The following DMD variants were observed in gnomAD, a reference collection of about 807,000 sequenced individuals.
The protein encoded by DMD is dystrophin.
A neutral mutation model predicts 330.1 loss-of-function variants in DMD; 63 were observed. The observed-to-expected ratio is 0.19, with a 90% CI of 0.16 to 0.24. DMD has a LOEUF of 0.24. Ranked by LOEUF, DMD falls within the 10% of genes least tolerant of loss-of-function variation. The pLI is 1.00. For missense variants in DMD, 3,344 were observed against 2,684.1 expected, an observed-to-expected ratio of 1.25 and a Z score of -5.43; for synonymous variants, 1,223 against 959.8, an observed-to-expected ratio of 1.27 and a Z score of -5.07.
rs2094696541 is a variant in DMD, at chrX:31,922,021, T to G, written c.6912+7575A>C. ...CTTGTTACAGTTTTTTGTTATAATGTTGGTTGCGTTGGGTCTCAGGGGCAG... is the reference window on the plus strand; with the variant it reads ...CTTGTTACAGTTTTTTGTTATAATGGTGGTTGCGTTGGGTCTCAGGGGCAG... On this transcript the variant is annotated intron_variant, in intron 47 of 78. Transcript: ENST00000357033. Among the ~76,000 whole-genome samples the G allele has an allele frequency of 8.1e-5, 9 of 111,752 alleles. No homozygotes were observed. In the South Asian group the frequency reaches 3.4e-3, roughly 42 times the overall value.
chrX:31,965,650 G>C (rs757271690), intron 45 of DMD, among the ~76,000 whole-genome samples: 1 of 111,804 alleles, frequency 8.9e-6, no homozygotes, highest in Admixed American at 9.5e-5. Context: ...ACACAGGCTT[G>C]CTTTGTATCA....
intron 44 of DMD, among the ~76,000 whole-genome samples, chrX:32,055,683 T>C (rs899619580): frequency 3.6e-5 from 4 of 111,824 alleles, no homozygotes; most frequent in African/African-American, 1.3e-4. Flanking sequence ...AAGTAAACAA[T>C]GTAAAATAGT....
chrX:31,685,738 G>C (rs1041182811), intron 52 of DMD, among the ~76,000 whole-genome samples: 2 of 112,087 alleles, frequency 1.8e-5, no homozygotes, highest in Middle Eastern at 8.4e-3. Flanking sequence ...AGCTTGCTAG[G>C]TGCGCTGGCC....
intron 45 of DMD, among the ~76,000 whole-genome samples, chrX:31,946,245 A>G (rs1255832723): frequency 9.0e-6 from 1 of 111,705 alleles, no homozygotes; most frequent in African/African-American, 3.3e-5. Flanking sequence ...TATCAGCCGG[A>G]ATACAGATGG....
chrX:33,202,685 A>T (rs902106160), intron 1 of DMD, among the ~76,000 whole-genome samples: 60 of 111,955 alleles, frequency 5.4e-4, no homozygotes, highest in African/African-American at 1.9e-3. Context: ...TCTTATGCCT[A>T]TTTATAAAAA....
intron 7 of DMD, among the ~76,000 whole-genome samples, chrX:32,798,930 T>C (rs1193391919): frequency 1.8e-5 from 2 of 111,826 alleles, no homozygotes; most frequent in Non-Finnish European, 3.8e-5. Context: ...CTTGCCATTA[T>C]GGTATCAAAA....
chrX:32,627,501 T>C (rs1379184370), intron 11 of DMD, among the ~76,000 whole-genome samples: 1 of 96,497 alleles, frequency 1.0e-5, no homozygotes, highest in Admixed American at 1.0e-4. Context: ...GGTATTATTG[T>C]AATTAATCCT....
intron 55 of DMD, among the ~76,000 whole-genome samples, chrX:31,598,195 T>C (rs1436085935): frequency 9.0e-6 from 1 of 110,810 alleles, no homozygotes; most frequent in African/African-American, 3.3e-5. Flanking sequence ...CCTGCAGCCT[T>C]GCAGCCTTGA....
chrX:31,595,242 C>A (rs1244598108), intron 55 of DMD, among the ~76,000 whole-genome samples: 1 of 111,339 alleles, frequency 9.0e-6, no homozygotes, highest in African/African-American at 3.3e-5. Flanking sequence ...CTTCAATATG[C>A]TTCCATTTTC....
intron 44 of DMD, among the ~76,000 whole-genome samples, chrX:32,086,146 T>A (rs2096437429): frequency 8.9e-6 from 1 of 111,816 alleles, no homozygotes; most frequent in African/African-American, 3.2e-5. Flanking sequence ...CTGTCACAGA[T>A]CAGATCGGTG....
chrX:32,251,649 A>T (rs189777762), intron 43 of DMD, among the ~76,000 whole-genome samples: 1 of 111,607 alleles, frequency 9.0e-6, no homozygotes, highest in East Asian at 2.8e-4. Context: ...TCCCTAAAGT[A>T]CATTGTTTTC....
intron 47 of DMD, among the ~76,000 whole-genome samples, chrX:31,876,359 A>G (rs2093967169): frequency 8.9e-6 from 1 of 112,152 alleles, no homozygotes; most frequent in Admixed American, 9.4e-5. Flanking sequence ...CTTGCCTAAC[A>G]TTTTAGCCAA....
At chrX:31,269,268 G>A (rs988034834) in intron 62 of DMD, among the ~76,000 whole-genome samples, 8 of 111,907 alleles carry the variant, frequency 7.1e-5, no homozygotes, top group Non-Finnish European at 1.3e-4. Context: ...CGTGTCATAT[G>A]TAAATTATGT....
chrX:31,911,979 A>G (rs2094553563), intron 47 of DMD, among the ~76,000 whole-genome samples: 1 of 111,628 alleles, frequency 9.0e-6, no homozygotes, highest in South Asian at 3.8e-4. Flanking sequence ...CTCTTATTCT[A>G]CGCCAACAAC....
At position 32,887,229 on chromosome X, in the gene DMD, C is replaced by A. The variant is rs924708576; in HGVS notation, c.94-37409G>T. Among the ~76,000 whole-genome samples, 3 of 109,402 alleles carry A rather than the reference C, an allele frequency of 2.7e-5. No individual in the cohort carries two copies. The South Asian group carries it at 1.2e-3, about 44-fold the overall frequency. On this transcript the variant is annotated intron_variant, in intron 2 of 78. Transcript: ENST00000357033. ...GGGCGTGCTGACAGGAGCCTGTAGT[C>A]CCAGCTACTTGGGAGGCTGAGGCAG...
At chrX:33,043,987 C>T (rs772184009) in intron 1 of DMD, among the ~76,000 whole-genome samples, 1 of 111,386 alleles carries the variant, frequency 9.0e-6, no homozygotes, top group South Asian at 3.8e-4. Flanking sequence ...TCACCTACCC[C>T]AGTTAATCTA....
intron 1 of DMD, among the ~76,000 whole-genome samples, chrX:33,157,738 C>T (rs1382261765): frequency 8.9e-6 from 1 of 112,242 alleles, no homozygotes; most frequent in Non-Finnish European, 1.9e-5. Flanking sequence ...GGTGGATCAC[C>T]TGAGGTCAGG....
At chrX:31,721,589 ATC>A (rs59628263) in intron 52 of DMD, among the ~76,000 whole-genome samples, 107 of 90,752 alleles carry the variant, frequency 1.2e-3, no homozygotes, top group East Asian at 2.8e-3. Flanking sequence ...CTTAAAATCA[ATC>A]TCTCTCTCTC....
chrX:32,996,409 A>T (rs1018700326), intron 2 of DMD, among the ~76,000 whole-genome samples: 1 of 111,991 alleles, frequency 8.9e-6, no homozygotes, highest in African/African-American at 3.2e-5. Flanking sequence ...TTGTTTTCTG[A>T]GGCATCAAAT....
Sources: allele counts gnomAD v4.1 joint callset (sites outside exome capture counted in the v4.1 genomes callset), GRCh38; gene constraint gnomAD v4.1.1; transcripts MANE v1.5; gene names NCBI Gene and HGNC (gene_info 2026-07-23, HGNC 2026-07-21).